The following DIS3L2 variants were observed in gnomAD, a reference collection of about 807,000 sequenced individuals.
The protein encoded by DIS3L2 is DIS3 like 3'-5' exoribonuclease 2, also known as DIS3-like exonuclease 2.
In DIS3L2, 34 loss-of-function variants were observed where a neutral mutation model predicts 97.5. The ratio of observed to expected loss-of-function variants is 0.35; its 90% CI spans 0.27 to 0.46. The LOEUF (loss-of-function observed/expected upper bound fraction) is 0.46, where lower values mean the gene tolerates loss of function less well. Ranked by LOEUF, DIS3L2 falls within the 20% of genes least tolerant of loss-of-function variation. DIS3L2 has a pLI of 1.00. For synonymous variants in DIS3L2, 435 were observed against 445.2 expected (o/e 0.98, Z 0.29); for missense variants, 1,038 against 1,146.0 (o/e 0.91, Z 1.36).
At chr2:232,177,169 T>TGCCACATTTTCTTAATCCA (rs1691191838) in intron 9 of DIS3L2, among the ~76,000 whole-genome samples, 4 of 141,474 alleles carry the variant, frequency 2.8e-5, no homozygotes, top group South Asian at 4.7e-4. Flanking sequence ...TATTCCATGG[T>TGCCACATTTTCTTAATCCA]GTATATGTGC....
intron 13 of DIS3L2, among the ~76,000 whole-genome samples, chr2:232,282,256 G>A (rs1304476530): frequency 6.6e-6 from 1 of 152,008 alleles, no homozygotes; most frequent in Non-Finnish European, 1.5e-5. Context: ...AGTTGAGTGA[G>A]TGAATGTGGG....
intron 9 of DIS3L2, among the ~76,000 whole-genome samples, chr2:232,194,278 G>A (rs545541920): frequency 1.2e-4 from 19 of 152,018 alleles, no homozygotes; most frequent in African/African-American, 4.1e-4. Context: ...GCAAGATACT[G>A]AAATAGATAT....
chr2:232,304,979 C>A (rs7590517), intron 14 of DIS3L2, among the ~76,000 whole-genome samples: 23,024 of 152,162 alleles, frequency 0.15, 2,872 homozygotes, highest in African/African-American at 0.34. Context: ...GCATTGTAGG[C>A]AACTTCCTCA....
Position 232,321,805 on chromosome 2 carries a change from A to C in DIS3L2, c.1740-8008A>C, listed in dbSNP as rs552297643. On this transcript the variant is annotated intron_variant, in intron 14 of 20. Transcript: ENST00000325385. ...AACAAGAGGCCCCCCCTTTGTTTCC[A>C]GGGGGGCCTGGAAACAAGGCTTCCA... Among the ~76,000 whole-genome samples the C allele has an allele frequency of 3.9e-5, 6 of 152,042 alleles. No homozygotes were observed. The South Asian group carries it at 1.2e-3, about 32-fold the overall frequency.
At chr2:232,252,256 A>G (rs1693439444) in intron 12 of DIS3L2, among the ~76,000 whole-genome samples, 1 of 152,186 alleles carries the variant, frequency 6.6e-6, no homozygotes, top group Non-Finnish European at 1.5e-5. Context: ...AAAAGTACAA[A>G]AAATTAGCTG....
rs367705912 is a variant in DIS3L2 at position 232,083,758 on chromosome 2, G to C, written c.367-3729G>C. Among the ~76,000 whole-genome samples, 99 of 152,270 alleles carry C rather than the reference G, an allele frequency of 6.5e-4. 1 individual carries two copies. The East Asian group carries it at 0.011, about 18-fold the overall frequency. On this transcript the variant is annotated intron_variant, in intron 5 of 20. Coordinates refer to ENST00000325385, the MANE Select transcript of DIS3L2 (RefSeq NM_152383.5). ...GATCTGCCTGCATTGTCCTTCCAAA[G>C]TGCTGGGATTACAGGTGTGAGCCAC... is the stretch of plus-strand genomic sequence containing the variant.
At chr2:232,261,557 C>A (rs1057430609) in intron 12 of DIS3L2, among the ~76,000 whole-genome samples, 3 of 152,190 alleles carry the variant, frequency 2.0e-5, no homozygotes, top group African/African-American at 7.2e-5. Flanking sequence ...TGATGGGAGG[C>A]CGAAGCTCTG....
At chr2:232,024,492 G>A (rs1364135369) in intron 4 of DIS3L2, among the ~76,000 whole-genome samples, 162 bp downstream of exon 4, 1 of 152,066 alleles carries the variant, frequency 6.6e-6, no homozygotes, top group East Asian at 1.9e-4. Context: ...TTTTCTTTTG[G>A]TTAACAACCC....
At position 232,271,203 on chromosome 2, in the gene DIS3L2, T is replaced by A. The variant is rs561680054; in HGVS notation, c.1659+7763T>A. On this transcript the variant is annotated intron_variant, in intron 13 of 20. Coordinates refer to ENST00000325385, the MANE Select transcript of DIS3L2 (RefSeq NM_152383.5). ...GAATGACCCCTGCCCCAAGTTAAGG[T>A]CCTTTCCTCTCATTAGAATCCTTAA... Among the ~76,000 whole-genome samples the A allele has an allele frequency of 5.3e-5, 8 of 152,294 alleles. No individual in the cohort carries two copies. The South Asian group carries it at 1.7e-3, about 32-fold the overall frequency.
At chr2:232,030,594 G>A (rs565236036) in intron 5 of DIS3L2, among the ~76,000 whole-genome samples, 1 of 152,276 alleles carries the variant, frequency 6.6e-6, no homozygotes, top group African/African-American at 2.4e-5. Context: ...AGAAGAAAAT[G>A]TTTTTAATAT....
intron 5 of DIS3L2, among the ~76,000 whole-genome samples, chr2:232,047,521 T>C (rs1380119616): frequency 1.3e-5 from 2 of 152,232 alleles, no homozygotes; most frequent in Admixed American, 1.3e-4. Context: ...AAGAGGTGGT[T>C]AGATTATGCC....
chr2:231,982,915 G>A (rs536494343), intron 1 of DIS3L2, among the ~76,000 whole-genome samples: 1 of 152,146 alleles, frequency 6.6e-6, no homozygotes, highest in East Asian at 1.9e-4. Context: ...CTTAACCTCA[G>A]ATGATCCACC....
chr2:232,135,515 G>C (rs180977801), intron 7 of DIS3L2, among the ~76,000 whole-genome samples: 1 of 152,180 alleles, frequency 6.6e-6, no homozygotes, highest in Non-Finnish European at 1.5e-5. Context: ...ACAGCAGTTT[G>C]TTTAAAATAG....
intron 10 of DIS3L2, among the ~76,000 whole-genome samples, chr2:232,238,176 GA>G (rs1410447854): frequency 6.6e-6 from 1 of 152,050 alleles, no homozygotes; most frequent in Admixed American, 6.6e-5. Context: ...AGGATTTGGG[GA>G]TTAATTCACT....
chr2:232,069,581 G>A (rs1695953278), intron 5 of DIS3L2, among the ~76,000 whole-genome samples: 2 of 152,224 alleles, frequency 1.3e-5, no homozygotes, highest in Admixed American at 6.5e-5. Flanking sequence ...GATAGATGGA[G>A]GAATGGGCAT....
chr2:232,203,828 GC>G (rs1229992797), intron 9 of DIS3L2, among the ~76,000 whole-genome samples: 5 of 152,198 alleles, frequency 3.3e-5, no homozygotes, highest in Admixed American at 3.3e-4. Flanking sequence ...TTGCAGGCAG[GC>G]CTTTAACTGC....
chr2:232,225,414 CACA>C (rs1209693049), intron 10 of DIS3L2, among the ~76,000 whole-genome samples: 1 of 152,088 alleles, frequency 6.6e-6, no homozygotes, highest in Non-Finnish European at 1.5e-5. Context: ...AAATTCAAAA[CACA>C]ACATGATGAA....
chr2:232,057,700 A>G (rs1459159095), intron 5 of DIS3L2, among the ~76,000 whole-genome samples: 2 of 152,164 alleles, frequency 1.3e-5, no homozygotes, highest in African/African-American at 4.8e-5. Context: ...GATCACCACT[A>G]GAGAACCCAG....
At chr2:232,185,449 A>G (rs1160898460) in intron 9 of DIS3L2, among the ~76,000 whole-genome samples, 1 of 152,260 alleles carries the variant, frequency 6.6e-6, no homozygotes, top group African/African-American at 2.4e-5. Flanking sequence ...TCGCTAAAGC[A>G]GTACCGAGGA....
Sources: gnomAD v4.1 joint callset for allele counts (sites outside exome capture counted in the v4.1 genomes callset) on GRCh38, gnomAD v4.1.1 for gene constraint, MANE v1.5 for transcripts, NCBI Gene and HGNC (gene_info 2026-07-23, HGNC 2026-07-21) for gene names.